Variants in C6 observed in about 807,000 individuals in gnomAD.
The protein encoded by C6 is complement component C6.
A neutral mutation model predicts 112.9 loss-of-function variants in C6; 101 were observed. The ratio of observed to expected loss-of-function variants is 0.89; its 90% CI spans 0.76 to 1.06. The LOEUF (loss-of-function observed/expected upper bound fraction) is 1.06. C6 is among the 50% of genes least tolerant of loss of function. The pLI is 0.00. For missense variants in C6, 1,202 were observed against 1,104.6 expected (o/e 1.09, Z -1.25); for synonymous variants, 431 against 384.1 (o/e 1.12, Z -1.43).
At chr5:41,212,346 A>G (rs1471184993) in intron 1 of C6, among the ~76,000 whole-genome samples, 2 of 151,590 alleles carry the variant, frequency 1.3e-5, no homozygotes, top group East Asian at 1.9e-4. Flanking sequence ...TTTTTAGTGA[A>G]CTCGGGGTTT....
intron 5 of C6, among the ~76,000 whole-genome samples, chr5:41,188,428 A>G (rs1749952372): frequency 6.6e-6 from 1 of 152,092 alleles, no homozygotes; most frequent in Admixed American, 6.6e-5. Context: ...ATAGACAGAC[A>G]TATAGATCAA....
rs545205294 is a variant in C6, at chr5:41,242,088, GA to G, written c.-21+19105del. ...CATTAATTGGCATAGGAGCAGAAAG[GA>G]AAAAAAAACTTGGAGAAAATAAAGT... On this transcript the variant is annotated intron_variant, in intron 1 of 17. Transcript: ENST00000263413. Among the ~76,000 whole-genome samples, 12 of 151,356 alleles carry G rather than the reference GA, an allele frequency of 7.9e-5. No homozygotes were observed. In the South Asian group the frequency reaches 1.0e-3, roughly 13 times the overall value.
intron 6 of C6, among the ~76,000 whole-genome samples, chr5:41,185,194 C>T (rs776715706): frequency 5.9e-4 from 90 of 152,088 alleles, no homozygotes; most frequent in Non-Finnish European, 1.0e-3. Flanking sequence ...TCAAATTTGA[C>T]GGTTAGTTCC....
chr5:41,160,523 G>A (rs532881932), intron 10 of C6, among the ~76,000 whole-genome samples, 156 bp from the exon 11 acceptor site: 2 of 152,240 alleles, frequency 1.3e-5, no homozygotes, highest in African/African-American at 4.8e-5. Context: ...TGAACCAGTA[G>A]GCAAAAGCCT....
intron 5 of C6, among the ~76,000 whole-genome samples, chr5:41,193,734 T>C (rs534773862): frequency 2.0e-5 from 3 of 151,968 alleles, no homozygotes; most frequent in South Asian, 2.1e-4. Context: ...AATTTTTATA[T>C]CTCTTGTTAA....
rs191339489 is a variant in C6 at position 41,260,495 on chromosome 5, C to T, written c.-21+699G>A. Among the ~76,000 whole-genome samples the T allele has an allele frequency of 5.4e-5, 8 of 147,758 alleles. No individual in the cohort carries two copies. In the East Asian group the frequency reaches 1.3e-3, roughly 24 times the overall value. On this transcript the variant is annotated intron_variant, in intron 1 of 17. Coordinates refer to the C6 transcript ENST00000263413. ...CAAATAAAAATGCTGCAACTGCTGGCGCAGTGGCTCATGCTTGTAATCCCA... is the reference window on the plus strand; with the variant it reads ...CAAATAAAAATGCTGCAACTGCTGGTGCAGTGGCTCATGCTTGTAATCCCA...
At chr5:41,230,321 G>T (rs1739813693) in intron 1 of C6, among the ~76,000 whole-genome samples, 1 of 152,068 alleles carries the variant, frequency 6.6e-6, no homozygotes, top group African/African-American at 2.4e-5. Context: ...CGTGCAAGTA[G>T]GAGAGATATC....
intron 1 of C6, among the ~76,000 whole-genome samples, chr5:41,205,876 TC>T: frequency 6.6e-6 from 1 of 152,186 alleles, no homozygotes; most frequent in Non-Finnish European, 1.5e-5. Context: ...AGTAGTGGTC[TC>T]CCAGCACGGA....
chr5:41,221,262 A>G (rs1040460913), intron 1 of C6, among the ~76,000 whole-genome samples: 2 of 152,158 alleles, frequency 1.3e-5, no homozygotes, highest in Admixed American at 6.5e-5. Flanking sequence ...AAAACTCTAC[A>G]ATACACTGTC....
At chr5:41,202,925 C>T (rs1158283957) in intron 2 of C6, among the ~76,000 whole-genome samples, 163 bp downstream of exon 2, 1 of 152,162 alleles carries the variant, frequency 6.6e-6, no homozygotes, top group Admixed American at 6.5e-5. Context: ...AGTAGACTTC[C>T]TTTCAACCTC....
intron 13 of C6, among the ~76,000 whole-genome samples, chr5:41,156,309 C>G (rs1017035632): frequency 1.3e-5 from 2 of 152,070 alleles, no homozygotes; most frequent in African/African-American, 4.8e-5. Flanking sequence ...CTTTGATTTC[C>G]CTAGTATCTT....
At chr5:41,183,054 G>A (rs923138624) in intron 6 of C6, among the ~76,000 whole-genome samples, 2 of 152,206 alleles carry the variant, frequency 1.3e-5, no homozygotes, top group East Asian at 3.8e-4. Context: ...CTCTGGGAAG[G>A]GGAAGAAAGC....
chr5:41,258,905 C>T (rs1300294714), intron 1 of C6, among the ~76,000 whole-genome samples: 1 of 152,164 alleles, frequency 6.6e-6, no homozygotes, highest in African/African-American at 2.4e-5. Context: ...ATTGGGGACC[C>T]ACCCCATGAT....
intron 6 of C6, among the ~76,000 whole-genome samples, chr5:41,184,760 C>T (rs1376288860): frequency 6.6e-6 from 1 of 152,124 alleles, no homozygotes; most frequent in Non-Finnish European, 1.5e-5. Flanking sequence ...AGATGTGAGC[C>T]ACCACACCCG....
At chr5:41,156,430 C>T (rs1381082506) in intron 13 of C6, among the ~76,000 whole-genome samples, 1 of 152,172 alleles carries the variant, frequency 6.6e-6, no homozygotes, top group Non-Finnish European at 1.5e-5. Context: ...AACTCCACAA[C>T]CAGATCTCTG....
chr5:41,146,903 C>CA (rs1016232692), intron 17 of C6, among the ~76,000 whole-genome samples: 1 of 148,384 alleles, frequency 6.7e-6, no homozygotes, highest in Non-Finnish European at 1.5e-5. Context: ...GGGAAGATAG[C>CA]AAAAAAAGGG....
rs151080428 is a variant in C6, at chr5:41,159,153, T to C, written c.1785A>G (p.Gln595=). 3 of 1,613,554 alleles carry C rather than the reference T, an allele frequency of 1.9e-6. No homozygotes were observed. Among genetic ancestry groups the C allele is most frequent in the African/African-American group, 2.7e-5 (2 of 74,958 alleles). ...CCCCCTCACAGCGTTTCCCTCCTCG[T>C]TGGGGGGCAGGATTATTGCATTCTC... ...RTRECNNPAP[Q]RGGKRCEGEK... Residue 595 remains glutamine, a synonymous_variant, in exon 12 of 18, where the codon CAA becomes CAG. Coordinates refer to ENST00000337836, the MANE Select transcript of C6 (RefSeq NM_000065.5).
Position 41,142,797 on chromosome 5 carries a change from CATTGTGCTGGGCCTAGCAGTA to C in C6, c.*7_*27del, listed in dbSNP as rs1561080970. ...GGTTCTTCGGGATGGTAAATCTGTT[CATTGTGCTGGGCCTAGCAGTA>C]ATTGTGCTAGGCCAAACACTTTCCA... On this transcript the variant is annotated 3_prime_UTR_variant, in exon 18 of 18. Coordinates refer to ENST00000337836, the MANE Select transcript of C6 (RefSeq NM_000065.5). 1 of 1,570,334 alleles carries C rather than the reference CATTGTGCTGGGCCTAGCAGTA, an allele frequency of 6.4e-7. No individual in the cohort carries two copies. The highest frequency in any genetic ancestry group is 1.1e-5 in the South Asian group (1 of 90,300).
upstream of C6, among the ~76,000 whole-genome samples, chr5:41,218,187 C>T (rs1054115922): frequency 3.9e-5 from 6 of 152,094 alleles, no homozygotes; most frequent in Admixed American, 2.0e-4. Flanking sequence ...AGAAAAAGAA[C>T]GTCAAGAAGT....
Sources: allele counts gnomAD v4.1 joint callset (sites outside exome capture counted in the v4.1 genomes callset), GRCh38; gene constraint gnomAD v4.1.1; transcripts MANE v1.5; gene names NCBI Gene and HGNC (gene_info 2026-07-23, HGNC 2026-07-21).